PRDM6: variants seen among roughly 807,000 people sequenced by gnomAD.
PRDM6 encodes the protein putative histone-lysine N-methyltransferase PRDM6.
A neutral mutation model predicts 60.8 loss-of-function variants in PRDM6; 25 were observed. That is an observed-to-expected ratio of 0.41 (90% CI 0.30 to 0.57). The LOEUF (loss-of-function observed/expected upper bound fraction) is 0.57, where lower values mean the gene tolerates loss of function less well. Among genes scored for constraint, PRDM6 ranks in the 20% least tolerant of loss-of-function variants. The pLI is 0.27. For synonymous variants in PRDM6, 407 were observed against 357.4 expected, an observed-to-expected ratio of 1.14 and a Z score of -1.57; for missense variants, 839 against 821.3, an observed-to-expected ratio of 1.02 and a Z score of -0.26.
At chr5:123,135,165 A>G (rs940589763) in intron 3 of PRDM6, among the ~76,000 whole-genome samples, 11 of 152,218 alleles carry the variant, frequency 7.2e-5, no homozygotes, top group Non-Finnish European at 1.5e-4. Flanking sequence ...AGGTAAACAT[A>G]TATCAAAGTA....
intron 7 of PRDM6, among the ~76,000 whole-genome samples, chr5:123,182,410 C>A (rs1322300224): frequency 6.6e-6 from 1 of 152,170 alleles, no homozygotes; most frequent in Non-Finnish European, 1.5e-5. Flanking sequence ...GCAGCCAGAC[C>A]AATACAGTGC....
intron 3 of PRDM6, among the ~76,000 whole-genome samples, chr5:123,107,187 A>G (rs1764215194): frequency 6.6e-6 from 1 of 152,246 alleles, no homozygotes; most frequent in South Asian, 2.1e-4. Flanking sequence ...ACAGATTTTG[A>G]TATGATGCCA....
rs991727037 is a variant in PRDM6, at chr5:123,099,566, G to A, written c.593-88G>A. On this transcript the variant is annotated intron_variant, in intron 2 of 7. Coordinates refer to ENST00000407847, the MANE Select transcript of PRDM6 (RefSeq NM_001136239.4). This position sits in a 1 kb window ranked among gnomAD's most constrained non-coding sequence, Gnocchi z 4.0. Reference sequence around the variant, plus strand: ...GCTTACCCAGGCGGGCGGTGATGCTGTTGTCTCGGGAGTTTACTCAAAGAT... The same window carrying A: ...GCTTACCCAGGCGGGCGGTGATGCTATTGTCTCGGGAGTTTACTCAAAGAT... The A allele has an allele frequency of 2.4e-6, 3 of 1,259,784 alleles. No individual in the cohort carries two copies. Among genetic ancestry groups the A allele is most frequent in the South Asian group, 3.5e-5 (2 of 57,670 alleles). 78.0% of individuals were successfully genotyped at this position (1,259,784 alleles called of 1,614,324 possible). A position where few individuals can be genotyped will look rare whatever the true frequency, so the allele number is the denominator to read the frequency against.
chr5:123,118,177 T>A (rs1764501581), intron 3 of PRDM6, among the ~76,000 whole-genome samples: 1 of 152,150 alleles, frequency 6.6e-6, no homozygotes, highest in Admixed American at 6.5e-5. Flanking sequence ...TGCAATCAGG[T>A]TTTTCAGGAT....
intron 7 of PRDM6, 72 bp downstream of exon 7, chr5:123,180,395 A>C: frequency 7.1e-7 from 1 of 1,413,240 alleles, no homozygotes; most frequent in East Asian, 2.5e-5. Flanking sequence ...GCATCAGCAC[A>C]GTGCTGCCTG....
chr5:123,128,838 G>T (rs1418702431), intron 3 of PRDM6, among the ~76,000 whole-genome samples: 3 of 152,146 alleles, frequency 2.0e-5, no homozygotes, highest in African/African-American at 7.2e-5. Flanking sequence ...TGAAGTCCTT[G>T]CCCATGCCTA....
rs557880296 is a variant in PRDM6 at position 123,090,143 on chromosome 5, C to T, written c.129C>T (p.Leu43=). The T allele has an allele frequency of 1.7e-4, 268 of 1,531,948 alleles. No homozygotes were observed. Among genetic ancestry groups the T allele is most frequent in the Non-Finnish European group, 2.2e-4 (256 of 1,139,650 alleles). The allele number at this position is 1,531,948 out of a possible 1,614,324, so 94.9% of individuals were successfully genotyped here. The part of the protein sequence containing the change: ...GPLKGSGAAG[L]LSAPQPLQPP... Reference sequence around the variant, plus strand: ...TCAAGGGCAGCGGCGCCGCGGGTCTCCTGAGCGCGCCGCAGCCTCTTCAGC... The same window carrying T: ...TCAAGGGCAGCGGCGCCGCGGGTCTTCTGAGCGCGCCGCAGCCTCTTCAGC... The change falls in exon 2 of 8, where the codon CTC becomes CTT. Residue 43 remains leucine (L), a synonymous_variant. Coordinates refer to ENST00000407847, the MANE Select transcript of PRDM6 (RefSeq NM_001136239.4).
At position 123,089,395 on chromosome 5, in the gene PRDM6, C is replaced by A. The variant is rs1561789710; in HGVS notation, c.-140C>A. On this transcript the variant is annotated 5_prime_UTR_variant, in exon 1 of 8. Transcript: ENST00000407847. ...CAGGTCGGGAGGTTTCCGGGCGGCA[C>A]AATCTCTAGGACTCTCCTCCCGCGC... The A allele has an allele frequency of 6.5e-6, 1 of 152,696 alleles. No homozygotes were observed. Among genetic ancestry groups the A allele is most frequent in the Non-Finnish European group, 1.5e-5 (1 of 68,230 alleles). The allele number at this position is 152,696 out of a possible 1,614,324, so 9.5% of individuals were successfully genotyped here.
At chr5:123,165,021 G>T (rs1336174500) in intron 5 of PRDM6, among the ~76,000 whole-genome samples, 1 of 152,170 alleles carries the variant, frequency 6.6e-6, no homozygotes, top group Admixed American at 6.5e-5. Flanking sequence ...CCTCAGCTCA[G>T]TGCTGCTTGC....
chr5:123,172,719 A>G (rs1357274126), intron 6 of PRDM6, among the ~76,000 whole-genome samples: 1 of 152,222 alleles, frequency 6.6e-6, no homozygotes, highest in African/African-American at 2.4e-5. Flanking sequence ...CATAATAACT[A>G]ATTATACCAG....
At chr5:123,144,486 G>A (rs943918788) in intron 3 of PRDM6, among the ~76,000 whole-genome samples, 14 of 152,076 alleles carry the variant, frequency 9.2e-5, no homozygotes, top group African/African-American at 2.4e-4. Context: ...GGAGAACTGG[G>A]GCCTGAAGAG....
intron 3 of PRDM6, among the ~76,000 whole-genome samples, chr5:123,114,363 T>C (rs1052785293): frequency 6.6e-6 from 1 of 152,208 alleles, no homozygotes; most frequent in African/African-American, 2.4e-5. Flanking sequence ...AAGACTCTCT[T>C]CTTATTCTGG....
In PRDM6 at chr5:123,165,184, C is replaced by T. The variant is rs182049157; in HGVS notation, c.1153+5546C>T. On this transcript the variant is annotated intron_variant, in intron 5 of 7. Coordinates refer to ENST00000407847, the MANE Select transcript of PRDM6 (RefSeq NM_001136239.4). The stretch of plus-strand genomic sequence containing the variant: ...CCTTACTGAGCGCCAGACTCCTCTC[C>T]AGCTGTCTTGGCAACATCTTCACTT... 3.9e-5 allele frequency among the ~76,000 whole-genome samples: 6 copies of T among 152,348 alleles called. No homozygotes were observed. The East Asian group carries it at 1.2e-3, about 29-fold the overall frequency.
intron 5 of PRDM6, among the ~76,000 whole-genome samples, chr5:123,166,089 G>A (rs897834258): frequency 6.6e-6 from 1 of 152,092 alleles, no homozygotes; most frequent in African/African-American, 2.4e-5. Flanking sequence ...CCGTCACCCC[G>A]TCAGATATTT....
intron 3 of PRDM6, among the ~76,000 whole-genome samples, chr5:123,136,191 G>T (rs1390247720): frequency 1.3e-5 from 2 of 152,176 alleles, no homozygotes; most frequent in Non-Finnish European, 2.9e-5. Context: ...ATCCCTCTCT[G>T]AAGTCAGACC....
chr5:123,147,113 A>G (rs1257749345), intron 3 of PRDM6, among the ~76,000 whole-genome samples: 1 of 152,156 alleles, frequency 6.6e-6, no homozygotes, highest in Non-Finnish European at 1.5e-5. Context: ...TTTTCGCAGG[A>G]TCCAAATTCA....
intron 3 of PRDM6, among the ~76,000 whole-genome samples, chr5:123,117,714 G>A (rs1311503267): frequency 1.3e-5 from 2 of 152,212 alleles, no homozygotes; most frequent in Admixed American, 1.3e-4. Flanking sequence ...AGTTGCCAGA[G>A]CAAAGAGCAG....
chr5:123,175,541 C>G (rs1307164918), intron 6 of PRDM6, among the ~76,000 whole-genome samples: 2 of 152,210 alleles, frequency 1.3e-5, no homozygotes, highest in African/African-American at 4.8e-5. Flanking sequence ...TGATGTTCTT[C>G]AGGCTGTTTA....
intron 2 of PRDM6, among the ~76,000 whole-genome samples, chr5:123,093,926 C>G (rs1763899879): frequency 6.6e-6 from 1 of 151,906 alleles, no homozygotes; most frequent in African/African-American, 2.4e-5. Context: ...CTTTGGGTGT[C>G]TCGGGGGAGA....
Sources: allele counts gnomAD v4.1 joint callset (sites outside exome capture counted in the v4.1 genomes callset), GRCh38; gene constraint gnomAD v4.1.1; non-coding constraint Gnocchi (gnomAD v3.1); transcripts MANE v1.5; gene names NCBI Gene and HGNC (gene_info 2026-07-23, HGNC 2026-07-21).